Variants in WWOX observed in about 807,000 individuals in gnomAD.
WWOX encodes WW domain containing oxidoreductase, also known as WW domain-containing oxidoreductase.
Under a neutral mutation model 46.2 loss-of-function variants are expected in WWOX, and 69 were observed. That is an observed-to-expected ratio of 1.49 (90% CI 1.23 to 1.82). WWOX has a LOEUF of 1.82. Ranked by LOEUF, WWOX falls within the 40% of genes most tolerant of loss-of-function variation. The pLI is 0.00. For missense variants in WWOX, 919 were observed against 542.6 expected (o/e 1.69, Z -6.89); for synonymous variants, 359 against 202.6 (o/e 1.77, Z -6.56).
At chr16:78,159,438 T>G (rs896201046) in intron 4 of WWOX, among the ~76,000 whole-genome samples, 1 of 152,146 alleles carries the variant, frequency 6.6e-6, no homozygotes, top group Non-Finnish European at 1.5e-5. Context: ...CTAAGGAATG[T>G]AAGTTTCTCA....
chr16:78,864,920 A>G (rs1034561263), intron 8 of WWOX, among the ~76,000 whole-genome samples: 2 of 151,364 alleles, frequency 1.3e-5, no homozygotes, highest in African/African-American at 2.4e-5. Flanking sequence ...GCACCACCAC[A>G]CCTGGCTAAT....
chr16:79,174,518 G>T (rs145643401), intron 8 of WWOX, among the ~76,000 whole-genome samples: 1 of 152,136 alleles, frequency 6.6e-6, no homozygotes, highest in South Asian at 2.1e-4. Context: ...GCGTGGTGGC[G>T]CATGCCTATA....
intron 8 of WWOX, among the ~76,000 whole-genome samples, chr16:78,483,234 ACT>A (rs1464670178): frequency 1.3e-5 from 2 of 152,100 alleles, no homozygotes; most frequent in Non-Finnish European, 2.9e-5. Context: ...TTTGAAAAAT[ACT>A]CTGTCTTTAT....
At chr16:78,238,917 T>A (rs919390583) in intron 5 of WWOX, among the ~76,000 whole-genome samples, 1 of 151,934 alleles carries the variant, frequency 6.6e-6, no homozygotes, top group Non-Finnish European at 1.5e-5. Context: ...AAAATACCTT[T>A]CTAACATGGA....
intron 5 of WWOX, among the ~76,000 whole-genome samples, 183 bp downstream of exon 5, chr16:78,164,472 CA>C (rs1261901954): frequency 1.1e-4 from 16 of 152,284 alleles, no homozygotes; most frequent in Non-Finnish European, 2.2e-4. Context: ...ATTATTCACG[CA>C]TTTGTTTGTA....
intron 8 of WWOX, among the ~76,000 whole-genome samples, chr16:78,709,891 C>T (rs1484292402): frequency 6.6e-6 from 1 of 151,996 alleles, no homozygotes; most frequent in African/African-American, 2.4e-5. Flanking sequence ...ACCCGACGCC[C>T]AGCTAATTTT....
intron 8 of WWOX, among the ~76,000 whole-genome samples, chr16:78,700,294 G>C (rs968804874): frequency 5.4e-5 from 8 of 148,502 alleles, no homozygotes; most frequent in Admixed American, 6.8e-5. Context: ...CCTTCTTGCT[G>C]TGTCCTCACT....
At chr16:78,474,936 C>A (rs2084319623) in intron 8 of WWOX, among the ~76,000 whole-genome samples, 1 of 152,074 alleles carries the variant, frequency 6.6e-6, no homozygotes, top group South Asian at 2.1e-4. Context: ...ATACATTTTT[C>A]AAAATGAGTA....
chr16:79,015,311 G>A (rs2047391294), intron 8 of WWOX, among the ~76,000 whole-genome samples: 1 of 152,184 alleles, frequency 6.6e-6, no homozygotes. Context: ...AAGTTGAGAT[G>A]AACAGAATTC....
intron 5 of WWOX, among the ~76,000 whole-genome samples, chr16:78,219,886 G>A (rs926444793): frequency 2.0e-5 from 3 of 151,998 alleles, no homozygotes. Flanking sequence ...ATATATCTGC[G>A]ATTGTACTGA....
chr16:78,703,583 C>T (rs2048270937), intron 8 of WWOX, among the ~76,000 whole-genome samples: 1 of 152,076 alleles, frequency 6.6e-6, no homozygotes. Flanking sequence ...CTCACCACTA[C>T]ACTTCATCCT....
intron 8 of WWOX, among the ~76,000 whole-genome samples, chr16:78,822,471 G>C (rs1405617856): frequency 1.2e-5 from 1 of 85,638 alleles, no homozygotes; most frequent in Non-Finnish European, 2.5e-5. Context: ...TCCAGCCTGA[G>C]AGACAGAGCC....
intron 8 of WWOX, among the ~76,000 whole-genome samples, chr16:78,515,858 G>A (rs2043224224): frequency 6.6e-6 from 1 of 152,182 alleles, no homozygotes; most frequent in Non-Finnish European, 1.5e-5. Context: ...AATCTTGGCA[G>A]TCTGGCAAGG....
At chr16:79,123,689 C>T (rs754249010) in intron 8 of WWOX, among the ~76,000 whole-genome samples, 5 of 152,082 alleles carry the variant, frequency 3.3e-5, no homozygotes, top group Non-Finnish European at 7.3e-5. Context: ...GCAATCTGGA[C>T]CCTTTACCTG....
intron 8 of WWOX, among the ~76,000 whole-genome samples, chr16:78,465,605 C>T (rs1386752957): frequency 6.6e-6 from 1 of 152,234 alleles, no homozygotes; most frequent in Non-Finnish European, 1.5e-5. Context: ...CTGAATTTAA[C>T]ATGCTTTTCA....
intron 8 of WWOX, among the ~76,000 whole-genome samples, chr16:78,581,512 G>A (rs1029255404): frequency 6.6e-6 from 1 of 152,116 alleles, no homozygotes; most frequent in Non-Finnish European, 1.5e-5. Context: ...GACTGCCAAC[G>A]TGCTAGTCTT....
At chr16:79,111,685 G>T (rs1392453542) in intron 8 of WWOX, among the ~76,000 whole-genome samples, 1 of 152,174 alleles carries the variant, frequency 6.6e-6, no homozygotes, top group Non-Finnish European at 1.5e-5. Flanking sequence ...ATCAGCATGG[G>T]TAATGTCTAG....
At chr16:78,589,077 C>T (rs75499649) in intron 8 of WWOX, among the ~76,000 whole-genome samples, 1 of 152,194 alleles carries the variant, frequency 6.6e-6, no homozygotes, top group Non-Finnish European at 1.5e-5. Context: ...TAGATTCTCC[C>T]ACTGTTGTAC....
intron 8 of WWOX, among the ~76,000 whole-genome samples, chr16:79,012,319 A>G (rs141105643): frequency 1.3e-5 from 2 of 151,992 alleles, no homozygotes; most frequent in African/African-American, 4.8e-5. Flanking sequence ...TGCAACCTAC[A>G]CTTCCTGGAT....
Sources: allele counts gnomAD v4.1 joint callset (sites outside exome capture counted in the v4.1 genomes callset), GRCh38; gene constraint gnomAD v4.1.1; transcripts MANE v1.5; gene names NCBI Gene and HGNC (gene_info 2026-07-23, HGNC 2026-07-21).